DEAF1: variants seen among roughly 807,000 people sequenced by gnomAD.
The protein encoded by DEAF1 is deformed epidermal autoregulatory factor 1 homolog.
DEAF1 carries 53 observed loss-of-function variants against 58.9 expected under a neutral mutation model. The observed-to-expected ratio is 0.90, with a 90% CI of 0.72 to 1.13. The LOEUF is 1.13. Among genes scored for constraint, DEAF1 ranks in the 50% most tolerant of loss-of-function variants. The probability of loss-of-function intolerance (pLI) is 0.00; values close to 1 mark genes in which losing one functional copy is unlikely to be tolerated. For synonymous variants in DEAF1, 385 were observed against 340.4 expected (o/e 1.13, Z -1.44); for missense variants, 685 against 791.4 (o/e 0.87, Z 1.61).
chr11:705,765 T>A (rs1370015103), intron 1 of DEAF1, among the ~76,000 whole-genome samples: 1 of 152,028 alleles, frequency 6.6e-6, no homozygotes. Context: ...GGCTCTGACC[T>A]CCCCAGGGCT....
rs754930479 is a variant in DEAF1, at chr11:691,488, C to T, written c.387+13G>A. ...ACCACCCGCCCTGGGCTGTGCCCCT[C>T]GGAGCAGCTTACCAGAACATGTCCT... is the stretch of plus-strand genomic sequence containing the variant. On this transcript the variant is annotated intron_variant, in intron 2 of 11. Coordinates refer to ENST00000382409, the MANE Select transcript of DEAF1 (RefSeq NM_021008.4). The T allele has an allele frequency of 3.7e-5, 60 of 1,610,398 alleles. No homozygotes were observed. Among genetic ancestry groups the T allele is most frequent in the Non-Finnish European group, 4.3e-5 (51 of 1,179,760 alleles).
intron 1 of DEAF1, chr11:704,486 C>A: frequency 7.8e-7 from 1 of 1,289,400 alleles, no homozygotes; most frequent in Non-Finnish European, 1.0e-6. Flanking sequence ...CCACTTCACA[C>A]ACCAGCGCCT....
At chr11:652,890 C>T (rs1406316367) in intron 11 of DEAF1, among the ~76,000 whole-genome samples, 1 of 151,880 alleles carries the variant, frequency 6.6e-6, no homozygotes, top group African/African-American at 2.4e-5. Context: ...TCGAGACCAG[C>T]TTGCCCAACG....
intron 1 of DEAF1, chr11:692,241 G>A (rs749193931): frequency 1.0e-4 from 17 of 167,110 alleles, no homozygotes; most frequent in Admixed American, 5.5e-4. Context: ...CTGCACACAG[G>A]GCAGTTACCA....
chr11:686,265 C>G (rs1190617443), intron 5 of DEAF1, among the ~76,000 whole-genome samples: 3 of 144,214 alleles, frequency 2.1e-5, no homozygotes, highest in Non-Finnish European at 4.5e-5. Flanking sequence ...GCACTCCAGC[C>G]TGGGCAACAG....
intron 4 of DEAF1, 139 bp from the exon 5 acceptor site, chr11:687,136 T>TG: frequency 2.3e-6 from 3 of 1,301,832 alleles, no homozygotes; most frequent in Non-Finnish European, 3.2e-6. Flanking sequence ...CCCACATACT[T>TG]GGCCCTGACA....
intron 6 of DEAF1, among the ~76,000 whole-genome samples, chr11:682,474 CA>C (rs763040226): frequency 1.6e-4 from 25 of 152,200 alleles, no homozygotes; most frequent in Non-Finnish European, 3.4e-4. Context: ...CATTCTTTTC[CA>C]GGGCACTTTT....
Position 644,488 on chromosome 11 carries a change from C to T in DEAF1, c.*62G>A, listed in dbSNP as rs1033832762. The T allele has an allele frequency of 1.4e-5, 19 of 1,355,660 alleles. No homozygotes were observed. The highest frequency in any genetic ancestry group is 1.9e-5 in the Non-Finnish European group (18 of 962,560). The allele number at this position is 1,355,660 out of a possible 1,614,324, so 84.0% of individuals were successfully genotyped here. ...CCCCCAGAGTCCTCAGGGGGGCCTT[C>T]GACCTGCAAAAGCCTCACAGGAGTG... On this transcript the variant is annotated 3_prime_UTR_variant, in exon 12 of 12. Coordinates refer to ENST00000382409, the MANE Select transcript of DEAF1 (RefSeq NM_021008.4). This position sits in a 1 kb window ranked among gnomAD's most constrained non-coding sequence, Gnocchi z 4.3.
chr11:671,856 C>G (rs941909741), intron 10 of DEAF1, among the ~76,000 whole-genome samples: 1 of 89,098 alleles, frequency 1.1e-5, no homozygotes, highest in Non-Finnish European at 2.4e-5. Flanking sequence ...AAAAGAAACA[C>G]AAAAAACACT....
chr11:655,331 C>G (rs1188648388), intron 10 of DEAF1, among the ~76,000 whole-genome samples: 1 of 152,182 alleles, frequency 6.6e-6, no homozygotes, highest in African/African-American at 2.4e-5. Context: ...GGTTTGTGTA[C>G]TTTCTCCTGG....
In DEAF1 at chr11:688,593, C is replaced by A; in HGVS notation, c.388-133G>T. 9.6e-7 allele frequency: 1 copy of A among 1,041,532 alleles called. No individual in the cohort carries two copies. The highest frequency in any genetic ancestry group is 1.5e-6 in the Non-Finnish European group (1 of 688,656). 64.5% of individuals were successfully genotyped at this position (1,041,532 alleles called of 1,614,324 possible). ...AGAAGGGACGCTCACCTAGGCACCC[C>A]ATATCTTTTCCAAAGATACCTCTCA... On this transcript the variant is annotated intron_variant, in intron 2 of 11. Transcript: ENST00000382409. This position sits in a 1 kb window ranked among gnomAD's most constrained non-coding sequence, Gnocchi z 4.3.
At chr11:650,628 G>T (rs1452581193) in intron 11 of DEAF1, among the ~76,000 whole-genome samples, 2 of 151,808 alleles carry the variant, frequency 1.3e-5, no homozygotes, top group Non-Finnish European at 2.9e-5. Flanking sequence ...GACTGGTGTG[G>T]GCCACTGCAC....
intron 6 of DEAF1, among the ~76,000 whole-genome samples, chr11:684,440 A>C (rs1057267366): frequency 2.0e-5 from 3 of 152,116 alleles, no homozygotes; most frequent in Non-Finnish European, 4.4e-5. Context: ...AGAAAGAAAA[A>C]TTATTTTGGG....
At chr11:676,215 C>T (rs1375085421) in intron 9 of DEAF1, among the ~76,000 whole-genome samples, 1 of 36,258 alleles carries the variant, frequency 2.8e-5, no homozygotes. Context: ...TGACATCCCC[C>T]AGCACCCGAT....
At chr11:674,173 G>A in intron 10 of DEAF1, 1 of 335,464 alleles carries the variant, frequency 3.0e-6, no homozygotes, top group South Asian at 2.4e-5. Flanking sequence ...GATACTCAGA[G>A]ACTCAATAGA....
intron 11 of DEAF1, among the ~76,000 whole-genome samples, chr11:649,225 T>A (rs1294159390): frequency 3.3e-5 from 5 of 152,058 alleles, no homozygotes; most frequent in South Asian, 4.1e-4. Flanking sequence ...CACTCTAGCC[T>A]GGGCAACCGT....
chr11:691,960 T>C (rs999597834), intron 1 of DEAF1, among the ~76,000 whole-genome samples: 17 of 152,162 alleles, frequency 1.1e-4, no homozygotes, highest in Non-Finnish European at 2.4e-4. Context: ...GTGTGCCCTA[T>C]GCCTACGAGG....
chr11:690,986 A>T (rs1860807936), intron 2 of DEAF1, among the ~76,000 whole-genome samples: 1 of 152,236 alleles, frequency 6.6e-6, no homozygotes, highest in African/African-American at 2.4e-5. Context: ...TAAGCTGATA[A>T]AACATGATCA....
Position 655,271 on chromosome 11 carries a change from C to T in DEAF1, c.1504-1220G>A, listed in dbSNP as rs535352346. On this transcript the variant is annotated intron_variant, in intron 10 of 11. Transcript: ENST00000382409. Reference sequence around the variant, plus strand: ...GGCGGTGCCCCAGCCAACACCCCCACGGCCCCACCTGAGCTGGTTTCTGTG... The same window carrying T: ...GGCGGTGCCCCAGCCAACACCCCCATGGCCCCACCTGAGCTGGTTTCTGTG... 9.2e-5 allele frequency among the ~76,000 whole-genome samples: 14 copies of T among 152,344 alleles called. No homozygotes were observed. In the South Asian group the frequency reaches 1.7e-3, roughly 18 times the overall value.
Sources: gnomAD v4.1 joint callset for allele counts (sites outside exome capture counted in the v4.1 genomes callset) on GRCh38, gnomAD v4.1.1 for gene constraint, Gnocchi (gnomAD v3.1) non-coding constraint, MANE v1.5 for transcripts, NCBI Gene and HGNC (gene_info 2026-07-23, HGNC 2026-07-21) for gene names.